The following SLC33A1 variants were observed in gnomAD, a reference collection of about 807,000 sequenced individuals.
SLC33A1 encodes acetyl-coenzyme A transporter 1.
A neutral mutation model predicts 50.0 loss-of-function variants in SLC33A1; 20 were observed. The observed-to-expected ratio is 0.40, with a 90% confidence interval of 0.28 to 0.58. The LOEUF (loss-of-function observed/expected upper bound fraction) is 0.58. Among genes scored for constraint, SLC33A1 ranks in the 20% least tolerant of loss-of-function variants. The pLI is 0.44. For missense variants in SLC33A1, 476 were observed against 657.0 expected, an observed-to-expected ratio of 0.72 and a Z score of 3.01; for synonymous variants, 265 against 251.8, an observed-to-expected ratio of 1.05 and a Z score of -0.50.
intron 1 of SLC33A1, among the ~76,000 whole-genome samples, chr3:155,843,385 T>C (rs1753005183): frequency 6.6e-6 from 1 of 152,196 alleles, no homozygotes; most frequent in African/African-American, 2.4e-5. Flanking sequence ...GCTTTCAATC[T>C]GTTTAAGAAT....
intron 1 of SLC33A1, 108 bp downstream of exon 1, chr3:155,853,115 T>C (rs562939121): frequency 2.1e-5 from 21 of 1,022,616 alleles, no homozygotes; most frequent in Non-Finnish European, 3.0e-5. Context: ...TACCTTGAGT[T>C]ATCTCCCATA....
Position 155,830,052 on chromosome 3 carries a change from T to G in SLC33A1, c.1267-149A>C, listed in dbSNP as rs1440223335. On this transcript the variant is annotated intron_variant, in intron 4 of 5. Coordinates refer to ENST00000643144, the MANE Select transcript of SLC33A1 (RefSeq NM_004733.4). Reference sequence around the variant, plus strand: ...ACAAATACTTATCAAGCACCTACTATAGGCCAGGCTTTAAGATCACAGCAA... The same window carrying G: ...ACAAATACTTATCAAGCACCTACTAGAGGCCAGGCTTTAAGATCACAGCAA... 7.8e-6 allele frequency: 5 copies of G among 641,990 alleles called. 1 individual carries two copies. Among genetic ancestry groups the G allele is most frequent in the Non-Finnish European group, 1.4e-5 (5 of 366,502 alleles). The allele number at this position is 641,990 out of a possible 1,614,324, so 39.8% of individuals were successfully genotyped here.
At chr3:155,838,069 C>T (rs1318269306) in intron 2 of SLC33A1, among the ~76,000 whole-genome samples, 2 of 151,454 alleles carry the variant, frequency 1.3e-5, no homozygotes, top group South Asian at 4.2e-4. Flanking sequence ...TTGGGAAGGC[C>T]GAGGTGGGCA....
intron 2 of SLC33A1, among the ~76,000 whole-genome samples, chr3:155,835,792 C>T (rs1752628946): frequency 6.6e-6 from 1 of 152,076 alleles, no homozygotes; most frequent in Non-Finnish European, 1.5e-5. Context: ...TGCATTTCAC[C>T]ACAGATCTGG....
At chr3:155,845,431 A>T (rs1296068390) in intron 1 of SLC33A1, among the ~76,000 whole-genome samples, 1 of 152,106 alleles carries the variant, frequency 6.6e-6, no homozygotes. Flanking sequence ...GGCTCAAGTG[A>T]TCCTTTTGCC....
In SLC33A1 at chr3:155,853,685, T is replaced by C. The variant is rs1217540104; in HGVS notation, c.313A>G (p.Ser105Gly). The change falls in exon 1 of 6, where the codon AGC (serine) becomes GGC (glycine). Residue 105 changes from serine (S) to glycine (G), a missense_variant. Ser to Gly is a moderately conservative substitution (Grantham distance 56, BLOSUM62 0). Transcript: ENST00000643144. Reference sequence around the variant, plus strand: ...CTGAAGAAAGCTTGGTCTGTATAGCTAACATTTTTGCTTTGCAAAATGAGT... The same window carrying C: ...CTGAAGAAAGCTTGGTCTGTATAGCCAACATTTTTGCTTTGCAAAATGAGT... ...IPLILQSKNV[S>G]YTDQAFFSFV... The C allele has an allele frequency of 6.2e-7, 1 of 1,614,146 alleles. No homozygotes were observed. Among genetic ancestry groups the C allele is most frequent in the South Asian group, 1.1e-5 (1 of 91,086 alleles).
At chr3:155,850,920 CTTCT>C (rs1461164818) in intron 1 of SLC33A1, among the ~76,000 whole-genome samples, 5 of 151,120 alleles carry the variant, frequency 3.3e-5, no homozygotes, top group African/African-American at 1.2e-4. Context: ...CCAGCCTTGA[CTTCT>C]TTATTTTAAT....
rs999213580 is a variant in SLC33A1, at chr3:155,822,846, G to A, written c.*5364C>T. 1.3e-5 allele frequency: 2 copies of A among 152,000 alleles called. No homozygotes were observed. Among genetic ancestry groups the A allele is most frequent in the African/African-American group, 4.8e-5 (2 of 41,384 alleles). The allele number at this position is 152,000 out of a possible 1,614,324, so 9.4% of individuals were successfully genotyped here. A position where few individuals can be genotyped will look rare whatever the true frequency, so the allele number is the denominator to read the frequency against. On this transcript the variant is annotated 3_prime_UTR_variant, in exon 6 of 6. Coordinates refer to ENST00000643144, the MANE Select transcript of SLC33A1 (RefSeq NM_004733.4). The stretch of plus-strand genomic sequence containing the variant: ...TGGGCAAAATTTTTTTAGAGTAAAG[G>A]TGATTAGTCATAGAACTTTCTTTCT...
intron 1 of SLC33A1, among the ~76,000 whole-genome samples, chr3:155,848,890 C>T (rs1355958911): frequency 1.3e-5 from 2 of 152,034 alleles, no homozygotes; most frequent in African/African-American, 4.8e-5. Flanking sequence ...CTGTTAATTA[C>T]AGATAGTATT....
chr3:155,837,077 T>C (rs1453306732), intron 2 of SLC33A1, among the ~76,000 whole-genome samples: 1 of 152,124 alleles, frequency 6.6e-6, no homozygotes, highest in Admixed American at 6.6e-5. Context: ...AAAGATGATA[T>C]ACACCAGGTG....
rs773220261 is a variant in SLC33A1 at position 155,853,899 on chromosome 3, G to T, written c.99C>A (p.Gly33=). ...AGTCCAAATGACTGTCATCCCAACC[G>T]CCTGGCGGCAGGGGACCGCTCTTCA... ...LDMKSGPLPP[G]GWDDSHLDSA... Residue 33 remains glycine, a synonymous_variant, in exon 1 of 6, where the codon GGC becomes GGA. Coordinates refer to ENST00000643144, the MANE Select transcript of SLC33A1 (RefSeq NM_004733.4). The T allele has an allele frequency of 5.2e-6, 8 of 1,547,012 alleles. No homozygotes were observed. The South Asian group carries it at 1.0e-4, about 19-fold the overall frequency.
intron 1 of SLC33A1, among the ~76,000 whole-genome samples, chr3:155,844,457 ATT>A (rs869180951): frequency 9.8e-4 from 33 of 33,540 alleles, no homozygotes; most frequent in African/African-American, 2.9e-3. Context: ...ATATATATAT[ATT>A]TTTTTTTTTT....
At chr3:155,849,930 T>C (rs1753332755) in intron 1 of SLC33A1, among the ~76,000 whole-genome samples, 1 of 146,352 alleles carries the variant, frequency 6.8e-6, no homozygotes, top group Admixed American at 6.9e-5. Flanking sequence ...ATAATAATAA[T>C]AATAATAATA....
At chr3:155,850,808 G>A (rs1450739807) in intron 1 of SLC33A1, among the ~76,000 whole-genome samples, 1 of 151,302 alleles carries the variant, frequency 6.6e-6, no homozygotes, top group African/African-American at 2.4e-5. Flanking sequence ...ATAGAGAAGG[G>A]GTTTTGCCAT....
intron 1 of SLC33A1, among the ~76,000 whole-genome samples, chr3:155,852,596 G>A (rs971784578): frequency 6.6e-6 from 1 of 152,104 alleles, no homozygotes; most frequent in Non-Finnish European, 1.5e-5. Context: ...GCCATTTCCT[G>A]GCCTCGTGGA....
At chr3:155,851,307 G>C (rs1291311038) in intron 1 of SLC33A1, among the ~76,000 whole-genome samples, 2 of 151,980 alleles carry the variant, frequency 1.3e-5, no homozygotes, top group Non-Finnish European at 2.9e-5. Flanking sequence ...GCAATGATTG[G>C]ATCATAGCTC....
intron 2 of SLC33A1, among the ~76,000 whole-genome samples, chr3:155,836,821 G>A (rs1752699998): frequency 1.3e-5 from 2 of 152,100 alleles, no homozygotes; most frequent in South Asian, 4.1e-4. Flanking sequence ...GAGCCCAGGA[G>A]GTCAGGGCTG....
chr3:155,851,254 A>G (rs190604822), intron 1 of SLC33A1, among the ~76,000 whole-genome samples: 2 of 151,864 alleles, frequency 1.3e-5, no homozygotes, highest in African/African-American at 4.8e-5. Context: ...ATACATATAT[A>G]TAATTTTAAG....
At chr3:155,834,840 CA>C (rs2109314774) in intron 2 of SLC33A1, among the ~76,000 whole-genome samples, 1 of 143,416 alleles carries the variant, frequency 7.0e-6, no homozygotes, top group Admixed American at 6.9e-5. Flanking sequence ...TCAACCCAAA[CA>C]AGAAGAAACA....
Sources: allele counts gnomAD v4.1 joint callset (sites outside exome capture counted in the v4.1 genomes callset), GRCh38; gene constraint gnomAD v4.1.1; transcripts MANE v1.5; gene names NCBI Gene and HGNC (gene_info 2026-07-23, HGNC 2026-07-21).